ADGRL4: variants seen among roughly 807,000 people sequenced by gnomAD.
ADGRL4 encodes the protein EGF, latrophilin and seven transmembrane domain containing 1.
Under a neutral mutation model 74.8 loss-of-function variants are expected in ADGRL4, and 90 were observed. That is an observed-to-expected ratio of 1.20 (90% CI 1.02 to 1.43). The LOEUF is 1.43. ADGRL4 is among the 40% of genes most tolerant of loss of function. The probability of loss-of-function intolerance (pLI) is 0.00; values close to 1 mark genes in which losing one functional copy is unlikely to be tolerated. For missense variants in ADGRL4, 881 were observed against 814.3 expected, an observed-to-expected ratio of 1.08 and a Z score of -1.00; for synonymous variants, 311 against 279.2, an observed-to-expected ratio of 1.11 and a Z score of -1.14.
intron 2 of ADGRL4, among the ~76,000 whole-genome samples, chr1:78,969,522 C>A (rs1650127215): frequency 6.6e-6 from 1 of 152,122 alleles, no homozygotes; most frequent in African/African-American, 2.4e-5. Context: ...AGGATACAAA[C>A]CTATGGCTGG....
chr1:78,924,450 G>A (rs976027237), intron 8 of ADGRL4, among the ~76,000 whole-genome samples: 1 of 151,994 alleles, frequency 6.6e-6, no homozygotes, highest in Non-Finnish European at 1.5e-5. Context: ...ACACAGGAGA[G>A]GAGAGAGGTG....
intron 3 of ADGRL4, among the ~76,000 whole-genome samples, chr1:78,942,531 T>G (rs1337822568): frequency 2.0e-5 from 3 of 152,202 alleles, no homozygotes; most frequent in Non-Finnish European, 4.4e-5. Flanking sequence ...CAGACCTGAT[T>G]TACTGATTGA....
chr1:78,941,437 CA>C (rs1052443598), intron 3 of ADGRL4, among the ~76,000 whole-genome samples: 17 of 151,940 alleles, frequency 1.1e-4, no homozygotes, highest in African/African-American at 3.6e-4. Context: ...TAAACAACAC[CA>C]AAAAAAATTT....
At chr1:78,950,540 T>C (rs935236746) in intron 2 of ADGRL4, among the ~76,000 whole-genome samples, 2 of 152,252 alleles carry the variant, frequency 1.3e-5, no homozygotes, top group Admixed American at 1.3e-4. Flanking sequence ...GTTACAAGGC[T>C]TGAACTAACC....
At chr1:78,921,580 C>A in intron 9 of ADGRL4, 33 bp downstream of exon 9, 1 of 1,316,468 alleles carries the variant, frequency 7.6e-7, no homozygotes, top group Non-Finnish European at 9.9e-7. Flanking sequence ...GAAAAAGCAA[C>A]ATTTATAAAT....
Position 78,921,087 on chromosome 1 carries a change from T to C in ADGRL4, c.1257+526A>G, listed in dbSNP as rs572528718. 2.0e-5 allele frequency among the ~76,000 whole-genome samples: 3 copies of C among 151,952 alleles called. No homozygotes were observed. The East Asian group carries it at 5.8e-4, about 29-fold the overall frequency. ...AAGAAATTATGTGATAAATATACAA[T>C]GTAAGTAAGATATTACAAAAGTAAG... On this transcript the variant is annotated intron_variant, in intron 9 of 14. Coordinates refer to ENST00000370742, the MANE Select transcript of ADGRL4 (RefSeq NM_022159.4).
intron 2 of ADGRL4, among the ~76,000 whole-genome samples, chr1:78,997,074 T>C (rs984960081): frequency 6.6e-6 from 1 of 152,062 alleles, no homozygotes; most frequent in Admixed American, 6.5e-5. Context: ...AGACAAACCA[T>C]GCAGTTAGCG....
At chr1:78,900,992 TAAAATAAATACTAA>T (rs1172594114) in intron 12 of ADGRL4, among the ~76,000 whole-genome samples, 1 of 152,018 alleles carries the variant, frequency 6.6e-6, no homozygotes. Flanking sequence ...AAATCCAGTT[TAAAATAAATACTAA>T]TTTATAGAAC....
Position 79,006,631 on chromosome 1 carries a change from A to G in ADGRL4, c.22+2T>C, listed in dbSNP as rs1192062675. The G allele has an allele frequency of 6.6e-7, 1 of 1,526,546 alleles. No homozygotes were observed. The highest frequency in any genetic ancestry group is 8.8e-7 in the Non-Finnish European group (1 of 1,138,308). The allele number at this position is 1,526,546 out of a possible 1,614,324, so 94.6% of individuals were successfully genotyped here. On this transcript the variant is annotated splice_donor_variant, in intron 1 of 14. Transcript: ENST00000370742. LOFTEE classifies it high-confidence loss of function. ...CGGCGACCAGGGGCGCTGAGCACTC[A>G]CCTAGGAGCGGGAGGCGTTTCATTG...
chr1:78,937,133 C>A (rs1351914311), intron 6 of ADGRL4, among the ~76,000 whole-genome samples: 1 of 152,154 alleles, frequency 6.6e-6, no homozygotes, highest in African/African-American at 2.4e-5. Flanking sequence ...GCAAAGGATT[C>A]TTAAATAGAA....
At chr1:78,899,324 C>T (rs188268540) in intron 12 of ADGRL4, among the ~76,000 whole-genome samples, 120 of 152,220 alleles carry the variant, frequency 7.9e-4, no homozygotes, top group Admixed American at 1.0e-3. Context: ...CATTCTCAAT[C>T]GTTATACCAC....
intron 2 of ADGRL4, among the ~76,000 whole-genome samples, chr1:78,963,757 C>A (rs1350353560): frequency 6.6e-6 from 1 of 151,848 alleles, no homozygotes; most frequent in African/African-American, 2.4e-5. Context: ...AAAATCAAGG[C>A]CCCAAGAAAT....
chr1:78,977,868 C>T (rs1377971440), intron 2 of ADGRL4, among the ~76,000 whole-genome samples: 1 of 151,730 alleles, frequency 6.6e-6, no homozygotes, highest in Non-Finnish European at 1.5e-5. Flanking sequence ...GATAGTCACC[C>T]ACATCATGTA....
chr1:78,946,466 T>C lies in ADGRL4; in HGVS notation c.173-40A>G, dbSNP rs764596598. On this transcript the variant is annotated intron_variant, in intron 2 of 14. Coordinates refer to ENST00000370742, the MANE Select transcript of ADGRL4 (RefSeq NM_022159.4). ...ATTTAAAAGATTATTTTTATATAAT[T>C]GACATAAATTTTGACTATTTTCCAT... 10 of 1,509,162 alleles carry C rather than the reference T, an allele frequency of 6.6e-6. No homozygotes were observed. In the South Asian group the frequency reaches 1.1e-4, roughly 17 times the overall value. 93.5% of individuals were successfully genotyped at this position (1,509,162 alleles called of 1,614,324 possible).
chr1:78,909,731 T>G (rs1648720598), intron 12 of ADGRL4, among the ~76,000 whole-genome samples: 1 of 151,888 alleles, frequency 6.6e-6, no homozygotes, highest in African/African-American at 2.4e-5. Flanking sequence ...AGTAATTGTT[T>G]TGAAGGACAA....
intron 12 of ADGRL4, among the ~76,000 whole-genome samples, chr1:78,896,411 T>G (rs186077514): frequency 1.4e-3 from 209 of 152,160 alleles, no homozygotes; most frequent in Non-Finnish European, 2.6e-3. Flanking sequence ...CATTGTGAGT[T>G]AAAGAAAAGT....
chr1:78,962,431 A>G (rs1243438853), intron 2 of ADGRL4, among the ~76,000 whole-genome samples: 2 of 152,104 alleles, frequency 1.3e-5, no homozygotes, highest in African/African-American at 2.4e-5. Context: ...CTACTCATAT[A>G]TGCCTTTATC....
Position 78,917,901 on chromosome 1 carries a change from G to T in ADGRL4, c.1611C>A (p.Gly537=). 6.2e-7 allele frequency: 1 copy of T among 1,612,622 alleles called. No homozygotes were observed. Among genetic ancestry groups the T allele is most frequent in the Non-Finnish European group, 8.5e-7 (1 of 1,179,094 alleles). Reference sequence around the variant, plus strand: ...CAACTACCACGGCTGGGCTTAGATAGCCAAAGATATAAAAATTCTTGTGCA... The same window carrying T: ...CAACTACCACGGCTGGGCTTAGATATCCAAAGATATAAAAATTCTTGTGCA... The part of the protein sequence containing the change: ...GFLHKNFYIF[G]YLSPAVVVGF... Residue 537 remains glycine, a synonymous_variant, in exon 11 of 15, where the codon GGC becomes GGA. Coordinates refer to ENST00000370742, the MANE Select transcript of ADGRL4 (RefSeq NM_022159.4).
chr1:78,958,286 T>G (rs1028954410), intron 2 of ADGRL4, among the ~76,000 whole-genome samples: 1 of 152,182 alleles, frequency 6.6e-6, no homozygotes, highest in South Asian at 2.1e-4. Context: ...TTCTATTATT[T>G]AAGAAATACA....
Sources: gnomAD v4.1 joint callset for allele counts (sites outside exome capture counted in the v4.1 genomes callset) on GRCh38, gnomAD v4.1.1 for gene constraint, MANE v1.5 for transcripts, NCBI Gene and HGNC (gene_info 2026-07-23, HGNC 2026-07-21) for gene names.